Variants in SLC2A12 observed in about 807,000 individuals in gnomAD.
SLC2A12 encodes solute carrier family 2, facilitated glucose transporter member 12.
In SLC2A12, 23 loss-of-function variants were observed where a neutral mutation model predicts 41.8. The observed-to-expected ratio is 0.55, with a 90% CI of 0.40 to 0.78. The LOEUF (loss-of-function observed/expected upper bound fraction) is 0.78, where lower values mean the gene tolerates loss of function less well. Among genes scored for constraint, SLC2A12 ranks in the 30% least tolerant of loss-of-function variants. SLC2A12 has a pLI of 0.00. For missense variants in SLC2A12, 654 were observed against 745.6 expected (o/e 0.88, Z 1.43); for synonymous variants, 295 against 285.9 (o/e 1.03, Z -0.32).
At chr6:134,031,789 T>C (rs1421044322) in intron 1 of SLC2A12, among the ~76,000 whole-genome samples, 1 of 152,154 alleles carries the variant, frequency 6.6e-6, no homozygotes, top group Non-Finnish European at 1.5e-5. Flanking sequence ...ATTTGGAGCT[T>C]AAAGATAGGT....
chr6:134,028,927 A>G lies in SLC2A12; in HGVS notation c.898T>C (p.Tyr300His). ...QITGQPNILF[Y>H]ASTVLKSVGF... is the part of the protein sequence containing the mutation. ...ACTGACTTCAAAACAGTTGATGCAT[A>G]GAACAATATGTTTGGTTGGCCAGTG... is the stretch of plus-strand genomic sequence containing the variant. The change falls in exon 2 of 5, where the codon TAT becomes CAT. Residue 300 changes from tyrosine to histidine, a missense_variant. Around this residue, in one of 3 missense-constraint regions of SLC2A12, gnomAD observed 411 missense variants for 412.1 expected, o/e 1.00. Coordinates refer to ENST00000275230, the MANE Select transcript of SLC2A12 (RefSeq NM_145176.3). The G allele has an allele frequency of 1.9e-6, 3 of 1,614,252 alleles. No homozygotes were observed. The highest frequency in any genetic ancestry group is 2.5e-6 in the Non-Finnish European group (3 of 1,180,038).
intron 2 of SLC2A12, among the ~76,000 whole-genome samples, chr6:134,019,249 T>C (rs750590130): frequency 1.4e-4 from 21 of 152,236 alleles, no homozygotes; most frequent in Non-Finnish European, 2.1e-4. Context: ...TTTCAGTGGC[T>C]ATTTTAAGGA....
At chr6:134,035,314 C>G (rs1001687546) in intron 1 of SLC2A12, among the ~76,000 whole-genome samples, 6 of 152,110 alleles carry the variant, frequency 3.9e-5, no homozygotes, top group African/African-American at 1.4e-4. Context: ...ACCAGAACCA[C>G]TCCGCCCCAA....
intron 2 of SLC2A12, among the ~76,000 whole-genome samples, chr6:134,014,802 G>T (rs1776933732): frequency 6.6e-6 from 1 of 152,222 alleles, no homozygotes; most frequent in Non-Finnish European, 1.5e-5. Flanking sequence ...GACGTATTAT[G>T]TGAGCAGTTG....
At chr6:134,041,874 T>A (rs1282461941) in intron 1 of SLC2A12, among the ~76,000 whole-genome samples, 1 of 152,144 alleles carries the variant, frequency 6.6e-6, no homozygotes, top group Non-Finnish European at 1.5e-5. Flanking sequence ...CCCGCAGCTG[T>A]CTTTCCTAGA....
At chr6:134,026,189 A>C (rs1031120151) in intron 2 of SLC2A12, among the ~76,000 whole-genome samples, 1 of 152,194 alleles carries the variant, frequency 6.6e-6, no homozygotes, top group Non-Finnish European at 1.5e-5. Context: ...TAATCTTGAC[A>C]TTTCAAAAAA....
intron 3 of SLC2A12, among the ~76,000 whole-genome samples, chr6:134,003,797 C>A (rs901468942): frequency 6.6e-6 from 1 of 152,200 alleles, no homozygotes; most frequent in African/African-American, 2.4e-5. Flanking sequence ...GAATGCAATG[C>A]TACAATTGTG....
chr6:134,052,250 TACACACACACACACAC>T (rs55702666), intron 1 of SLC2A12, 112 bp downstream of exon 1: 83 of 371,412 alleles, frequency 2.2e-4, no homozygotes, highest in East Asian at 4.5e-4. Context: ...CGCGCGCGCA[TACACACACACACACAC>T]ACACACACAC....
chr6:134,027,083 C>G (rs1470701507), intron 2 of SLC2A12, among the ~76,000 whole-genome samples: 1 of 152,196 alleles, frequency 6.6e-6, no homozygotes, highest in African/African-American at 2.4e-5. Flanking sequence ...GAGGCAGATA[C>G]AGAGAGTATA....
At chr6:134,040,766 T>C (rs1777372017) in intron 1 of SLC2A12, among the ~76,000 whole-genome samples, 1 of 152,198 alleles carries the variant, frequency 6.6e-6, no homozygotes, top group Non-Finnish European at 1.5e-5. Flanking sequence ...AATATCTCAT[T>C]GACCAGAGCC....
chr6:134,021,823 G>A (rs770217599), intron 2 of SLC2A12, among the ~76,000 whole-genome samples: 1 of 152,178 alleles, frequency 6.6e-6, no homozygotes, highest in East Asian at 1.9e-4. Context: ...GATTCAAAGA[G>A]GAGATAAAGC....
chr6:134,028,484 G>A lies in SLC2A12; in HGVS notation c.1341C>T (p.Tyr447=). The A allele has an allele frequency of 1.2e-6, 2 of 1,614,206 alleles. No individual in the cohort carries two copies. The highest frequency in any genetic ancestry group is 3.3e-4 in the Middle Eastern group (2 of 6,060). ...CGTCCCCAGGGTCTGTGACTATCTGGTATTCAGTGTGGCTTAATCCAGCAT... is the reference window on the plus strand; with the variant it reads ...CGTCCCCAGGGTCTGTGACTATCTGATATTCAGTGTGGCTTAATCCAGCAT... ...LLNAGLSHTE[Y]QIVTDPGDVP... The change falls in exon 2 of 5, where the codon TAC becomes TAT. Residue 447 remains tyrosine, a synonymous_variant. Transcript: ENST00000275230.
In SLC2A12 at chr6:133,989,908, C is replaced by CT. The variant is rs1432472793; in HGVS notation, c.*1246dup. The stretch of plus-strand genomic sequence containing the variant: ...TCTTTTTCAAGTTAGGTTGTTCGTG[C>CT]TTTTAAGTTTTTTGTGTGTCTTCCA... On this transcript the variant is annotated 3_prime_UTR_variant, in exon 5 of 5. Transcript: ENST00000275230. 1.3e-5 allele frequency: 2 copies of CT among 152,142 alleles called. No homozygotes were observed. Among genetic ancestry groups the CT allele is most frequent in the African/African-American group, 4.8e-5 (2 of 41,438 alleles). The allele number at this position is 152,142 out of a possible 1,614,324, so 9.4% of individuals were successfully genotyped here.
At chr6:133,998,202 C>A (rs1053704126) in intron 4 of SLC2A12, among the ~76,000 whole-genome samples, 2 of 152,146 alleles carry the variant, frequency 1.3e-5, no homozygotes, top group African/African-American at 4.8e-5. Flanking sequence ...TTAATAAGTT[C>A]TGTTGGGTTT....
intron 2 of SLC2A12, among the ~76,000 whole-genome samples, chr6:134,014,627 A>G (rs888986116): frequency 6.6e-6 from 1 of 152,182 alleles, no homozygotes; most frequent in African/African-American, 2.4e-5. Context: ...AATCCTTAAC[A>G]CTGAGTCATG....
chr6:134,020,162 T>C (rs1159730326), intron 2 of SLC2A12, among the ~76,000 whole-genome samples: 1 of 152,142 alleles, frequency 6.6e-6, no homozygotes, highest in Admixed American at 6.6e-5. Context: ...CACTTTAACC[T>C]AAGAATAGAA....
At position 134,029,420 on chromosome 6, in the gene SLC2A12, C is replaced by T. The variant is rs139945384; in HGVS notation, c.405G>A (p.Val135=). The part of the protein sequence containing the change: ...ILSLSYTVLI[V]GRIAIGVSIS... ...TGGAGACCCCTATGGCAATGCGTCC[C>T]ACTATAAGAACCGTGTAGGATAAAC... Residue 135 remains valine (V), a synonymous_variant, in exon 2 of 5, where the codon GTG becomes GTA. Transcript: ENST00000275230. 8 of 1,614,108 alleles carry T rather than the reference C, an allele frequency of 5.0e-6. No homozygotes were observed. The highest frequency in any genetic ancestry group is 1.1e-5 in the South Asian group (1 of 91,078).
chr6:134,047,708 T>G (rs1349835932), intron 1 of SLC2A12, among the ~76,000 whole-genome samples: 2 of 152,246 alleles, frequency 1.3e-5, no homozygotes, highest in Non-Finnish European at 2.9e-5. Flanking sequence ...CTTCAGCAAC[T>G]GTTGGTAATC....
rs757818985 is a variant in SLC2A12 at position 134,029,607 on chromosome 6, G to T, written c.218C>A (p.Ala73Asp). The change falls in exon 2 of 5, where the codon GCC (alanine) becomes GAC (aspartate). Residue 73 changes from alanine to aspartate, a missense_variant. Ala to Asp is a moderately radical substitution (Grantham distance 126). Coordinates refer to ENST00000275230, the MANE Select transcript of SLC2A12 (RefSeq NM_145176.3). The stretch of plus-strand genomic sequence containing the variant: ...CATTTCCTGCTCATGGCAGCTCAGG[G>T]CTAATAAGGTTTTGATCTGAAGAAG... ...GALLQIKTLL[A>D]LSCHEQEMVV... 3.7e-6 allele frequency: 6 copies of T among 1,613,904 alleles called. No individual in the cohort carries two copies. The highest frequency in any genetic ancestry group is 3.4e-6 in the Non-Finnish European group (4 of 1,180,024).
Sources: allele counts gnomAD v4.1 joint callset (sites outside exome capture counted in the v4.1 genomes callset), GRCh38; gene constraint gnomAD v4.1.1; regional missense constraint gnomAD v4.1.1; transcripts MANE v1.5; gene names NCBI Gene and HGNC (gene_info 2026-07-23, HGNC 2026-07-21).